Variants in PLA2G4B observed in about 807,000 individuals in gnomAD.
PLA2G4B encodes the protein phospholipase A2 group IVB.
A neutral mutation model predicts 95.8 loss-of-function variants in PLA2G4B; 122 were observed. The observed-to-expected ratio is 1.27, with a 90% CI of 1.10 to 1.48. The LOEUF (loss-of-function observed/expected upper bound fraction) is 1.48, where lower values mean the gene tolerates loss of function less well. Among genes scored for constraint, PLA2G4B ranks in the 40% most tolerant of loss-of-function variants. PLA2G4B has a pLI of 0.00. For synonymous variants in PLA2G4B, 518 were observed against 421.5 expected (o/e 1.23, Z -2.80); for missense variants, 1,158 against 996.2 (o/e 1.16, Z -2.19).
chr15:41,840,002 C>A, intron 1 of PLA2G4B, 156 bp from the exon 2 acceptor site: 1 of 825,198 alleles, frequency 1.2e-6, no homozygotes, highest in Non-Finnish European at 1.8e-6. Context: ...ATGGAGATAT[C>A]ATGTCTCCTC....
chr15:41,845,459 C>T lies in PLA2G4B; in HGVS notation c.1357+139C>T, dbSNP rs994461084. 6 of 1,438,928 alleles carry T rather than the reference C, an allele frequency of 4.2e-6. No individual in the cohort carries two copies. The African/African-American group carries it at 5.7e-5, about 14-fold the overall frequency. The allele number at this position is 1,438,928 out of a possible 1,614,324, so 89.1% of individuals were successfully genotyped here. A position where few individuals can be genotyped will look rare whatever the true frequency, so the allele number is the denominator to read the frequency against. Reference sequence around the variant, plus strand: ...TGCTTTCTGGAGACCGGCACCCTACCAGGGTCCCTCAGCCCTTTGGGAAGG... The same window carrying T: ...TGCTTTCTGGAGACCGGCACCCTACTAGGGTCCCTCAGCCCTTTGGGAAGG... On this transcript the variant is annotated intron_variant, in intron 14 of 19. Coordinates refer to ENST00000458483, the MANE Select transcript of PLA2G4B (RefSeq NM_001114633.2).
At chr15:41,839,169 C>T in intron 1 of PLA2G4B, 1 of 388,796 alleles carries the variant, frequency 2.6e-6, no homozygotes, top group South Asian at 3.8e-5. Context: ...CAGATTTGGG[C>T]CCTGGAGACT....
In PLA2G4B at chr15:41,845,646, G is replaced by C. The variant is rs149906868; in HGVS notation, c.1366G>C (p.Glu456Gln). 1.9e-6 allele frequency: 3 copies of C among 1,614,022 alleles called. No homozygotes were observed. The highest frequency in any genetic ancestry group is 1.7e-5 in the Admixed American group (1 of 59,994). Reference sequence around the variant, plus strand: ...GCGTGGACTCCTCACAGAGTGGTGCGAGTTCTCTCCCTACGAGGTCGGCTT... The same window carrying C: ...GCGTGGACTCCTCACAGAGTGGTGCCAGTTCTCTCCCTACGAGGTCGGCTT... ...LTTFEFGEWC[E>Q]FSPYEVGFPK... Residue 456 changes from glutamate to glutamine, a missense_variant, in exon 15 of 20, where the codon GAG (glutamate) becomes CAG (glutamine). Glu to Gln is a conservative substitution (Grantham distance 29). Transcript: ENST00000458483.
At chr15:41,846,569 TCAGCAGGA>T (rs750177442) in intron 17 of PLA2G4B, 92 bp from the exon 18 acceptor site, 21 of 1,519,856 alleles carry the variant, frequency 1.4e-5, no homozygotes, top group Non-Finnish European at 1.8e-5. Flanking sequence ...GGGTGTTGGT[TCAGCAGGA>T]GAGCAGGGAC....
Position 41,842,649 on chromosome 15 carries a change from T to C in PLA2G4B, c.743+58T>C, listed in dbSNP as rs2065456305. The C allele has an allele frequency of 2.5e-6, 4 of 1,593,558 alleles. No homozygotes were observed. In the Admixed American group the frequency reaches 7.5e-5, roughly 30 times the overall value. ...CTGGAAAACAACCAGGGTGCGGGGC[T>C]GGAGGAGGCCTGGAGGAGTGAGGGG... On this transcript the variant is annotated intron_variant, in intron 10 of 19. Transcript: ENST00000458483.
chr15:41,847,261 T>C, intron 18 of PLA2G4B, 76 bp from the exon 19 acceptor site: 1 of 1,511,708 alleles, frequency 6.6e-7, no homozygotes, highest in Non-Finnish European at 8.8e-7. Context: ...CCAGGTCCTG[T>C]GCATCTTACG....
rs367645528 is a variant in PLA2G4B, at chr15:41,843,354, G to A, written c.744-322G>A. ...TCCCAAAGTGCTTTGAACTCCGTGG[G>A]TAAGGGACAGAACACGAGACTTGGA... On this transcript the variant is annotated intron_variant, in intron 10 of 19. Coordinates refer to ENST00000458483, the MANE Select transcript of PLA2G4B (RefSeq NM_001114633.2). 1.3e-4 allele frequency: 34 copies of A among 271,354 alleles called. No homozygotes were observed. The East Asian group carries it at 1.5e-3, about 12-fold the overall frequency. The allele number at this position is 271,354 out of a possible 1,614,324, so 16.8% of individuals were successfully genotyped here.
In PLA2G4B at chr15:41,847,321, TCTGC is replaced by T. The variant is rs760926172; in HGVS notation, c.1948-10_1948-7del. 62 of 1,583,732 alleles carry T rather than the reference TCTGC, an allele frequency of 3.9e-5. 1 individual carries two copies. The highest frequency in any genetic ancestry group is 3.4e-4 in the Middle Eastern group (2 of 5,950). On this transcript the variant is annotated splice_polypyrimidine_tract_variant and intron_variant, in intron 18 of 19. Transcript: ENST00000458483. ...GGGGCCCTGTCCCTCTGAAGCCCCT[TCTGC>T]CTGCCCTGCAGCAGTTGCAGCTCCT...
intron 11 of PLA2G4B, 42 bp downstream of exon 11, chr15:41,843,853 G>A (rs1483878779): frequency 1.7e-5 from 28 of 1,605,728 alleles, no homozygotes; most frequent in Non-Finnish European, 2.3e-5. Context: ...GGGCTTGCTT[G>A]GGCCTAGCTC....
Position 41,846,372 on chromosome 15 carries a change from C to T in PLA2G4B, c.1770C>T (p.Ser590=), listed in dbSNP as rs768016547. 106 of 1,605,294 alleles carry T rather than the reference C, an allele frequency of 6.6e-5. No homozygotes were observed. In the Admixed American group the frequency reaches 1.7e-3, roughly 26 times the overall value. Residue 590 remains serine, a synonymous_variant, in exon 17 of 20, where the codon TCC becomes TCT. Coordinates refer to ENST00000458483, the MANE Select transcript of PLA2G4B (RefSeq NM_001114633.2). The part of the protein sequence containing the change: ...HKDYFQHPHF[S]TWKATTLDGL... ...ACTACTTTCAGCATCCTCACTTCTC[C>T]ACATGGAAAGGTACCTGCTTCTCTC...
In PLA2G4B at chr15:41,846,733, T is replaced by C; in HGVS notation, c.1845T>C (p.Asp615=). 16 of 1,613,976 alleles carry C rather than the reference T, an allele frequency of 9.9e-6. No homozygotes were observed. The highest frequency in any genetic ancestry group is 1.4e-5 in the Non-Finnish European group (16 of 1,179,946). The change falls in exon 18 of 20, where the codon GAT becomes GAC. Residue 615 remains aspartate (D), a synonymous_variant. Transcript: ENST00000458483. Reference sequence around the variant, plus strand: ...CGGAGCCCCACCTGTGCCTGCTGGATGTTGGCTACCTCATCAATACCAGCT... The same window carrying C: ...CGGAGCCCCACCTGTGCCTGCTGGACGTTGGCTACCTCATCAATACCAGCT... ...TPSEPHLCLL[D]VGYLINTSCL...
chr15:41,840,409 A>G, intron 2 of PLA2G4B, 115 bp from the exon 3 acceptor site: 1 of 1,591,050 alleles, frequency 6.3e-7, no homozygotes, highest in Non-Finnish European at 8.5e-7. Context: ...TCTGGCCCCC[A>G]CTTCCCCTCC....
rs200838276 is a variant in PLA2G4B at position 41,840,913 on chromosome 15, G to A, written c.351+8G>A. 11 of 1,611,456 alleles carry A rather than the reference G, an allele frequency of 6.8e-6. No individual in the cohort carries two copies. The Admixed American group carries it at 1.2e-4, about 17-fold the overall frequency. ...TTCTCACTGAGCCCTCAGGCAAGGC[G>A]GTGTTTCCACGGCAGCCCTAGCTGG... On this transcript the variant is annotated splice_region_variant and intron_variant, in intron 4 of 19. Coordinates refer to ENST00000458483, the MANE Select transcript of PLA2G4B (RefSeq NM_001114633.2).
At chr15:41,844,395 C>CT in intron 11 of PLA2G4B, 76 bp from the exon 12 acceptor site, 1 of 1,607,170 alleles carries the variant, frequency 6.2e-7, no homozygotes, top group Non-Finnish European at 8.5e-7. Context: ...GCCACTTGAC[C>CT]TGCTACCTCT....
Position 41,842,184 on chromosome 15 carries a change from C to G in PLA2G4B, c.622-9C>G. ...AGATTCTTAGGTCTGCATTCTTTGT[C>G]CCCTGCAGGATGCCCCCGAGGAGCA... On this transcript the variant is annotated splice_polypyrimidine_tract_variant and intron_variant, in intron 8 of 19. Coordinates refer to ENST00000458483, the MANE Select transcript of PLA2G4B (RefSeq NM_001114633.2). 1 of 1,613,694 alleles carries G rather than the reference C, an allele frequency of 6.2e-7. No homozygotes were observed. Among genetic ancestry groups the G allele is most frequent in the South Asian group, 1.1e-5 (1 of 91,062 alleles).
chr15:41,843,142 G>GTGA (rs1416212617), intron 10 of PLA2G4B: 3 of 146,558 alleles, frequency 2.0e-5, no homozygotes, highest in African/African-American at 7.6e-5. Context: ...GTGCAATGGC[G>GTGA]TGATCTTGGC....
chr15:41,840,429 T>G, intron 2 of PLA2G4B, 95 bp from the exon 3 acceptor site: 6 of 1,604,266 alleles, frequency 3.7e-6, no homozygotes, highest in Non-Finnish European at 5.1e-6. Flanking sequence ...CCCCTCAGTC[T>G]TAACCCACAT....
chr15:41,844,836 G>T lies in PLA2G4B; in HGVS notation c.1017-12G>T, dbSNP rs757118884. The T allele has an allele frequency of 6.3e-7, 1 of 1,586,914 alleles. No individual in the cohort carries two copies. The highest frequency in any genetic ancestry group is 2.4e-5 in the East Asian group (1 of 41,840). Reference sequence around the variant, plus strand: ...GTGACAGCCCTCTGGCTTTGGCTTTGGCTTTTCCCAGGGCCTTGGCCAACC... The same window carrying T: ...GTGACAGCCCTCTGGCTTTGGCTTTTGCTTTTCCCAGGGCCTTGGCCAACC... On this transcript the variant is annotated splice_polypyrimidine_tract_variant and intron_variant, in intron 12 of 19. Transcript: ENST00000458483.
chr15:41,840,828 G>T lies in PLA2G4B; in HGVS notation c.274G>T (p.Val92Leu), dbSNP rs1178972528. The T allele has an allele frequency of 6.2e-7, 1 of 1,614,122 alleles. No homozygotes were observed. The highest frequency in any genetic ancestry group is 2.2e-5 in the East Asian group (1 of 44,884). ...GGACCTGGTGACCGGAGATGACCCT[G>T]TGTTGTCAGTACTGTTTGATGCGGG... The part of the protein sequence containing the change: ...DQDLVTGDDP[V>L]LSVLFDAGTL... Residue 92 changes from valine to leucine, a missense_variant, in exon 4 of 20, where the codon GTG (valine) becomes TTG (leucine). By Grantham distance (32) the Val-to-Leu change is conservative. Transcript: ENST00000458483.
Sources: gnomAD v4.1 joint callset for allele counts on GRCh38, gnomAD v4.1.1 for gene constraint, MANE v1.5 for transcripts, NCBI Gene and HGNC (gene_info 2026-07-23, HGNC 2026-07-21) for gene names.